The following ENOX1 variants were observed in gnomAD, a reference collection of about 807,000 sequenced individuals.
ENOX1 encodes the protein ecto-NOX disulfide-thiol exchanger 1, also known as candidate growth-related and time keeping constitutive hydroquinone (NADH) oxidase.
In ENOX1, 42 loss-of-function variants were observed where a neutral mutation model predicts 82.5. That is an observed-to-expected ratio of 0.51 (90% confidence interval 0.40 to 0.66). The LOEUF (loss-of-function observed/expected upper bound fraction) is 0.66, where lower values mean the gene tolerates loss of function less well. Among genes scored for constraint, ENOX1 ranks in the 30% least tolerant of loss-of-function variants. ENOX1 has a pLI of 0.00. For missense variants in ENOX1, 608 were observed against 811.6 expected (o/e 0.75, Z 3.05); for synonymous variants, 271 against 282.2 (o/e 0.96, Z 0.40).
At chr13:43,334,555 C>T (rs1246984013) in intron 9 of ENOX1, among the ~76,000 whole-genome samples, 1 of 151,660 alleles carries the variant, frequency 6.6e-6, no homozygotes, top group Non-Finnish European at 1.5e-5. Flanking sequence ...CCAAGGGAGG[C>T]CAAGAAAGGC....
chr13:43,313,152 T>TA (rs1397715743), intron 11 of ENOX1, among the ~76,000 whole-genome samples: 2 of 152,186 alleles, frequency 1.3e-5, no homozygotes, highest in African/African-American at 4.8e-5. Flanking sequence ...GCTTTCCACT[T>TA]ACGATCTTGG....
At chr13:43,467,467 C>T (rs1432933738) in intron 3 of ENOX1, among the ~76,000 whole-genome samples, 2 of 151,534 alleles carry the variant, frequency 1.3e-5, no homozygotes, top group African/African-American at 4.9e-5. Context: ...TCTTCATGTG[C>T]TTATTGGCCA....
chr13:43,401,590 T>TC (rs971894417), intron 5 of ENOX1, among the ~76,000 whole-genome samples: 8 of 151,660 alleles, frequency 5.3e-5, no homozygotes, highest in African/African-American at 1.5e-4. Context: ...TCTTCAGAGG[T>TC]CCCCTCAGAG....
intron 1 of ENOX1, among the ~76,000 whole-genome samples, chr13:43,741,595 C>A (rs917030771): frequency 3.9e-5 from 6 of 152,004 alleles, no homozygotes; most frequent in African/African-American, 1.5e-4. Flanking sequence ...TGTTATGTAC[C>A]TTTTTTATTA....
chr13:43,769,786 A>AT (rs1951484118), intron 1 of ENOX1, among the ~76,000 whole-genome samples: 1 of 152,162 alleles, frequency 6.6e-6, no homozygotes, highest in South Asian at 2.1e-4. Context: ...GTCAGTTCCA[A>AT]TTTGTCATGC....
chr13:43,563,009 A>C (rs747205032), intron 2 of ENOX1, among the ~76,000 whole-genome samples: 11 of 152,172 alleles, frequency 7.2e-5, no homozygotes, highest in Non-Finnish European at 1.5e-4. Context: ...GAAACATCAG[A>C]TTTAATCTGC....
At chr13:43,763,779 T>C (rs902512186) in intron 1 of ENOX1, among the ~76,000 whole-genome samples, 11 of 152,216 alleles carry the variant, frequency 7.2e-5, no homozygotes, top group African/African-American at 2.4e-4. Flanking sequence ...AGTAAGCAAT[T>C]AGCAATTTTG....
chr13:43,310,848 T>G (rs1034086667), intron 11 of ENOX1, among the ~76,000 whole-genome samples: 22 of 151,940 alleles, frequency 1.4e-4, no homozygotes, highest in African/African-American at 5.3e-4. Context: ...CCTCATAAAC[T>G]TGCCCAAACA....
At chr13:43,622,220 T>G (rs2082765076) in intron 2 of ENOX1, among the ~76,000 whole-genome samples, 1 of 152,240 alleles carries the variant, frequency 6.6e-6, no homozygotes, top group African/African-American at 2.4e-5. Flanking sequence ...GCTTTATAAC[T>G]AACCTCCTGA....
chr13:43,738,772 C>G (rs1440543872), intron 1 of ENOX1, among the ~76,000 whole-genome samples: 1 of 152,060 alleles, frequency 6.6e-6, no homozygotes. Flanking sequence ...GCTAGTTTTG[C>G]CAATCAGTAA....
rs141538341 is a variant in ENOX1, at chr13:43,313,718, C to G, written c.1261+8666G>C. ...ACATACACACACAATTGGAATTATCCATGCTGGTTTGTAACTGCTTTTATC... is the reference window on the plus strand; with the variant it reads ...ACATACACACACAATTGGAATTATCGATGCTGGTTTGTAACTGCTTTTATC... On this transcript the variant is annotated intron_variant, in intron 11 of 16. Transcript: ENST00000690772. 5.8e-3 allele frequency among the ~76,000 whole-genome samples: 890 copies of G among 152,232 alleles called. 6 individuals are homozygous for G. The highest frequency in any genetic ancestry group is 0.01 in the Non-Finnish European group (707 of 68,012).
At chr13:43,416,520 C>A (rs973546451) in intron 3 of ENOX1, among the ~76,000 whole-genome samples, 3 of 147,606 alleles carry the variant, frequency 2.0e-5, no homozygotes, top group Non-Finnish European at 4.5e-5. Context: ...GGCAGAGGCG[C>A]TCCTCACTTC....
At chr13:43,642,197 G>A (rs1286818934) in intron 2 of ENOX1, among the ~76,000 whole-genome samples, 2 of 152,090 alleles carry the variant, frequency 1.3e-5, no homozygotes, top group African/African-American at 4.8e-5. Flanking sequence ...TTTAAAAAGG[G>A]ATAATAACCC....
intron 12 of ENOX1, among the ~76,000 whole-genome samples, chr13:43,273,927 A>C (rs747084445): frequency 4.6e-5 from 7 of 152,186 alleles, no homozygotes; most frequent in Non-Finnish European, 8.8e-5. Context: ...TGCTGAATGA[A>C]TAAATGAATA....
intron 1 of ENOX1, among the ~76,000 whole-genome samples, chr13:43,729,946 T>C (rs2089233900): frequency 6.6e-6 from 1 of 152,174 alleles, no homozygotes; most frequent in African/African-American, 2.4e-5. Context: ...GTGGGGGACA[T>C]CTCCTCTGCT....
intron 9 of ENOX1, among the ~76,000 whole-genome samples, chr13:43,337,573 C>T (rs1206066640): frequency 2.0e-5 from 3 of 152,100 alleles, no homozygotes. Flanking sequence ...GCAAAGGAAA[C>T]AGCACAAGCA....
At chr13:43,429,040 G>A (rs1002880815) in intron 3 of ENOX1, among the ~76,000 whole-genome samples, 18 of 152,096 alleles carry the variant, frequency 1.2e-4, no homozygotes, top group African/African-American at 4.1e-4. Flanking sequence ...GAACTGATCT[G>A]GGCAAGTCGC....
intron 14 of ENOX1, among the ~76,000 whole-genome samples, chr13:43,247,482 C>A (rs1055600510): frequency 2.0e-5 from 3 of 151,872 alleles, no homozygotes; most frequent in African/African-American, 7.3e-5. Context: ...ACAATGGAAG[C>A]GTCAGGAGAT....
chr13:43,281,025 T>C (rs1349672321), intron 12 of ENOX1, among the ~76,000 whole-genome samples: 1 of 152,056 alleles, frequency 6.6e-6, no homozygotes. Flanking sequence ...CCTTTGGAGG[T>C]CTCCAAGTTT....
Sources: allele counts gnomAD v4.1 joint callset (sites outside exome capture counted in the v4.1 genomes callset), GRCh38; gene constraint gnomAD v4.1.1; transcripts MANE v1.5; gene names NCBI Gene and HGNC (gene_info 2026-07-23, HGNC 2026-07-21).